The following CACNA1C variants were observed in gnomAD, a reference collection of about 807,000 sequenced individuals.
CACNA1C encodes the protein calcium voltage-gated channel subunit alpha1 C.
Under a neutral mutation model 229.0 loss-of-function variants are expected in CACNA1C, and 30 were observed. The ratio of observed to expected loss-of-function variants is 0.13; its 90% CI spans 0.10 to 0.18. The LOEUF (loss-of-function observed/expected upper bound fraction) is 0.18, where lower values mean the gene tolerates loss of function less well. Among genes scored for constraint, CACNA1C ranks in the 10% least tolerant of loss-of-function variants. The pLI is 1.00. For synonymous variants in CACNA1C, 1,114 were observed against 1,132.5 expected, an observed-to-expected ratio of 0.98 and a Z score of 0.33; for missense variants, 1,658 against 2,845.0, an observed-to-expected ratio of 0.58 and a Z score of 9.49.
At chr12:2,301,477 CTG>C (rs1447609599) in intron 3 of CACNA1C, among the ~76,000 whole-genome samples, 3 of 152,118 alleles carry the variant, frequency 2.0e-5, no homozygotes, top group African/African-American at 4.8e-5. Flanking sequence ...GAGCAAGGTT[CTG>C]TTAGTTAAAT....
rs770516499 is a variant in CACNA1C at position 2,421,452 on chromosome 12, T to C, written c.478-27524T>C. Among the ~76,000 whole-genome samples, 142 of 152,174 alleles carry C rather than the reference T, an allele frequency of 9.3e-4. 1 individual carries two copies. The highest frequency in any genetic ancestry group is 3.2e-4 in the Non-Finnish European group (22 of 68,024). ...TTTGAGGGACAAATGGGATTCACCA[T>C]GGGAAAGAGAGTTATCTGAGAGGAA... On this transcript the variant is annotated intron_variant, in intron 3 of 46. Coordinates refer to ENST00000399655, the MANE Select transcript of CACNA1C (RefSeq NM_000719.7).
At chr12:1,984,863 A>T (rs2037235822) in intron 1 of CACNA1C, among the ~76,000 whole-genome samples, 1 of 147,212 alleles carries the variant, frequency 6.8e-6, no homozygotes, top group Non-Finnish European at 1.5e-5. Context: ...TTCCTGAATG[A>T]TATTTTTGCT....
At chr12:2,611,151 T>G (rs216005) in intron 28 of CACNA1C, among the ~76,000 whole-genome samples, 404 of 51,784 alleles carry the variant, frequency 7.8e-3, no homozygotes, top group African/African-American at 1.0e-2. Flanking sequence ...TGCGTTCGTT[T>G]TTGGTTGATC....
chr12:2,424,286 G>A lies in CACNA1C; in HGVS notation c.478-24690G>A, dbSNP rs150295339. On this transcript the variant is annotated intron_variant, in intron 3 of 46. Transcript: ENST00000399655. ...TGCACTCAGCTGTCCATCCTCAGGT[G>A]GAGAGGGGTGATCTGAGAGGTCCAG... Among the ~76,000 whole-genome samples, 3 of 152,284 alleles carry A rather than the reference G, an allele frequency of 2.0e-5. No homozygotes were observed. The East Asian group carries it at 5.8e-4, about 29-fold the overall frequency.
At chr12:2,161,115 C>T (rs561644718) in intron 3 of CACNA1C, among the ~76,000 whole-genome samples, 18 of 152,370 alleles carry the variant, frequency 1.2e-4, no homozygotes, top group Middle Eastern at 3.4e-3. Context: ...CCACCGCACC[C>T]GGCTAGCTCT....
At chr12:2,107,597 C>G (rs2079642338) in intron 1 of CACNA1C, among the ~76,000 whole-genome samples, 1 of 152,218 alleles carries the variant, frequency 6.6e-6, no homozygotes, top group African/African-American at 2.4e-5. Flanking sequence ...GCCAGCTTCC[C>G]CATTTGGCCA....
intron 3 of CACNA1C, among the ~76,000 whole-genome samples, chr12:2,439,528 G>A (rs555525399): frequency 6.6e-6 from 1 of 152,254 alleles, no homozygotes; most frequent in African/African-American, 2.4e-5. Context: ...GTCAGACAAC[G>A]AGGCAGCTTT....
chr12:2,622,202 C>T (rs904205798), intron 29 of CACNA1C, among the ~76,000 whole-genome samples: 2 of 152,120 alleles, frequency 1.3e-5, no homozygotes, highest in Non-Finnish European at 2.9e-5. Flanking sequence ...AAACTGAGGA[C>T]AGGCAGAGGG....
chr12:2,328,709 C>G (rs7316184), intron 3 of CACNA1C, among the ~76,000 whole-genome samples: 1 of 152,112 alleles, frequency 6.6e-6, no homozygotes, highest in African/African-American at 2.4e-5. Flanking sequence ...GCCATTTATT[C>G]GCCATCTTGG....
intron 3 of CACNA1C, among the ~76,000 whole-genome samples, chr12:2,165,355 A>G (rs2096157804): frequency 6.6e-6 from 1 of 152,270 alleles, no homozygotes; most frequent in Non-Finnish European, 1.5e-5. Flanking sequence ...AACTACCAAA[A>G]GCAACAGACA....
At chr12:2,220,997 T>G (rs1340765489) in intron 3 of CACNA1C, 1 of 151,994 alleles carries the variant, frequency 6.6e-6, no homozygotes, top group Non-Finnish European at 1.5e-5. Context: ...TGACTGTGGG[T>G]GGGGGTTACT....
intron 42 of CACNA1C, among the ~76,000 whole-genome samples, chr12:2,681,576 C>T (rs896761236): frequency 6.6e-6 from 1 of 152,216 alleles, no homozygotes; most frequent in African/African-American, 2.4e-5. Flanking sequence ...TGCTGCTCTG[C>T]GTCTCCAGCT....
chr12:2,605,627 C>T lies in CACNA1C; in HGVS notation c.3049-52C>T, dbSNP rs1601833178. 3 of 1,353,696 alleles carry T rather than the reference C, an allele frequency of 2.2e-6. No homozygotes were observed. In the East Asian group the frequency reaches 6.9e-5, roughly 31 times the overall value. The allele number at this position is 1,353,696 out of a possible 1,614,324, so 83.9% of individuals were successfully genotyped here. Reference sequence around the variant, plus strand: ...CTGCCCCTGCTACCTCCTGGAAAGGCTCCTGGCATCTCCTGAAGCCACGTC... The same window carrying T: ...CTGCCCCTGCTACCTCCTGGAAAGGTTCCTGGCATCTCCTGAAGCCACGTC... On this transcript the variant is annotated intron_variant, in intron 23 of 46. Coordinates refer to ENST00000399655, the MANE Select transcript of CACNA1C (RefSeq NM_000719.7). This position sits in a 1 kb window ranked among gnomAD's most constrained non-coding sequence, Gnocchi z 6.2.
intron 3 of CACNA1C, among the ~76,000 whole-genome samples, chr12:2,145,642 A>G (rs1371729786): frequency 6.6e-6 from 1 of 151,162 alleles, no homozygotes; most frequent in Admixed American, 6.7e-5. Context: ...TCTGTGAGAG[A>G]GGGTATGGTA....
At chr12:2,596,406 A>G (rs920926555) in intron 20 of CACNA1C, among the ~76,000 whole-genome samples, 2 of 152,130 alleles carry the variant, frequency 1.3e-5, no homozygotes, top group African/African-American at 2.4e-5. Flanking sequence ...CCTAAAAGAG[A>G]GTCTTGGTAC....
At chr12:2,259,511 T>G (rs1177945625) in intron 3 of CACNA1C, among the ~76,000 whole-genome samples, 2 of 152,076 alleles carry the variant, frequency 1.3e-5, no homozygotes, top group Non-Finnish European at 2.9e-5. Context: ...GCAGAGCCGC[T>G]TTGAGATGTT....
rs1555107490 is a variant in CACNA1C at position 2,067,449 on chromosome 12, C to CGTGTGTGTGTGTGT, written c.49+13858_49+13871dup. ...GCTTAGGACTGTGGACTAGGATGCA[C>CGTGTGTGTGTGTGT]GTGTGTGTGTGTGTGTGTGTGTGTG... is the stretch of plus-strand genomic sequence containing the variant. On this transcript the variant is annotated intron_variant, in intron 1 of 46. Coordinates refer to ENST00000399655, the MANE Select transcript of CACNA1C (RefSeq NM_000719.7). This position sits in a 1 kb window ranked among gnomAD's most constrained non-coding sequence, Gnocchi z 5.3. 3.0e-3 allele frequency among the ~76,000 whole-genome samples: 423 copies of CGTGTGTGTGTGTGT among 141,474 alleles called. 4 individuals carry two copies. The highest frequency in any genetic ancestry group is 0.01 in the African/African-American group (393 of 37,762). 92.8% of individuals were successfully genotyped at this position (141,474 alleles called of 152,430 possible).
At chr12:2,439,129 A>G (rs972612948) in intron 3 of CACNA1C, among the ~76,000 whole-genome samples, 9 of 152,212 alleles carry the variant, frequency 5.9e-5, no homozygotes, top group Non-Finnish European at 1.2e-4. Context: ...CAGCTGCCCA[A>G]TGACAGAACA....
In CACNA1C at chr12:2,585,988, T is replaced by C; in HGVS notation, c.2530+84T>C. On this transcript the variant is annotated intron_variant, in intron 18 of 46. Transcript: ENST00000399655. This position sits in a 1 kb window ranked among gnomAD's most constrained non-coding sequence, Gnocchi z 4.1. Reference sequence around the variant, plus strand: ...AAAGCCACGTGGGAGTGGCCATATATTAGGGACCATGGTTCCAGTGTCCCT... The same window carrying C: ...AAAGCCACGTGGGAGTGGCCATATACTAGGGACCATGGTTCCAGTGTCCCT... 1.4e-6 allele frequency: 1 copy of C among 733,610 alleles called. No individual in the cohort carries two copies. The highest frequency in any genetic ancestry group is 2.2e-6 in the Non-Finnish European group (1 of 447,708). 45.4% of individuals were successfully genotyped at this position (733,610 alleles called of 1,614,324 possible). A position where few individuals can be genotyped will look rare whatever the true frequency, so the allele number is the denominator to read the frequency against.
Sources: gnomAD v4.1 joint callset for allele counts (sites outside exome capture counted in the v4.1 genomes callset) on GRCh38, gnomAD v4.1.1 for gene constraint, Gnocchi (gnomAD v3.1) non-coding constraint, MANE v1.5 for transcripts, NCBI Gene and HGNC (gene_info 2026-07-23, HGNC 2026-07-21) for gene names.